CCNY: variants seen among roughly 807,000 people sequenced by gnomAD.
CCNY encodes cyclin-Y.
In CCNY, 19 loss-of-function variants were observed where a neutral mutation model predicts 42.8. The ratio of observed to expected loss-of-function variants is 0.44; its 90% CI spans 0.31 to 0.65. The LOEUF is 0.65. Among genes scored for constraint, CCNY ranks in the 30% least tolerant of loss-of-function variants. CCNY has a pLI of 0.07. For missense variants in CCNY, 370 were observed against 437.3 expected, an observed-to-expected ratio of 0.85 and a Z score of 1.37; for synonymous variants, 165 against 162.7, an observed-to-expected ratio of 1.01 and a Z score of -0.11.
chr10:35,433,364 A>G (rs1396962618), intron 1 of CCNY, among the ~76,000 whole-genome samples: 1 of 152,066 alleles, frequency 6.6e-6, no homozygotes, highest in Non-Finnish European at 1.5e-5. Flanking sequence ...ATTTTTATTT[A>G]TCTAATAAAA....
At chr10:35,392,895 A>G (rs1186101931) in intron 1 of CCNY, among the ~76,000 whole-genome samples, 1 of 152,104 alleles carries the variant, frequency 6.6e-6, no homozygotes, top group Non-Finnish European at 1.5e-5. Flanking sequence ...CTTTTTGACT[A>G]GGCCTTTTTC....
rs115805276 is a variant in CCNY, at chr10:35,382,615, G to A, written c.154+45408G>A. ...AGACATGACTCCTGCTAACTGTCCT[G>A]TGGTACACAGGACAGCCCCTCTACC... On this transcript the variant is annotated intron_variant, in intron 1 of 9. Transcript: ENST00000374704. Among the ~76,000 whole-genome samples, 493 of 152,254 alleles carry A rather than the reference G, an allele frequency of 3.2e-3. 4 individuals are homozygous for A. Among genetic ancestry groups the A allele is most frequent in the African/African-American group, 0.011 (469 of 41,544 alleles).
At chr10:35,526,669 G>GTTT (rs34425324) in intron 5 of CCNY, among the ~76,000 whole-genome samples, 1 of 142,654 alleles carries the variant, frequency 7.0e-6, no homozygotes, top group Non-Finnish European at 1.5e-5. Context: ...TCCTTTCCAA[G>GTTT]TTTTTTTTTT....
At position 35,530,281 on chromosome 10, in the gene CCNY, G is replaced by A. The variant is rs1244827178; in HGVS notation, c.579+38G>A. The A allele has an allele frequency of 1.2e-6, 2 of 1,612,928 alleles. No individual in the cohort carries two copies. Among genetic ancestry groups the A allele is most frequent in the East Asian group, 2.2e-5 (1 of 44,844 alleles). On this transcript the variant is annotated intron_variant, in intron 7 of 9. Transcript: ENST00000374704. This position sits in a 1 kb window ranked among gnomAD's most constrained non-coding sequence, Gnocchi z 4.3. Reference sequence around the variant, plus strand: ...AGGATGGCCACACCCATCCCCAGCCGAGGTGGTCCAGGGCCCGTTCCTGTT... The same window carrying A: ...AGGATGGCCACACCCATCCCCAGCCAAGGTGGTCCAGGGCCCGTTCCTGTT...
rs1398597735 is a variant in CCNY at position 35,342,659 on chromosome 10, A to C, written c.154+5452A>C. Among the ~76,000 whole-genome samples the C allele has an allele frequency of 3.3e-5, 5 of 152,096 alleles. No homozygotes were observed. In the South Asian group the frequency reaches 1.0e-3, roughly 32 times the overall value. ...TGATGGTAGTAGAATTTACTTTGTTAATTTTCGGCCAACAACCGTGCTAAT... is the reference window on the plus strand; with the variant it reads ...TGATGGTAGTAGAATTTACTTTGTTCATTTTCGGCCAACAACCGTGCTAAT... On this transcript the variant is annotated intron_variant, in intron 1 of 9. Coordinates refer to ENST00000374704, the MANE Select transcript of CCNY (RefSeq NM_145012.6).
chr10:35,448,188 C>T (rs1431877616), intron 1 of CCNY, among the ~76,000 whole-genome samples: 3 of 152,164 alleles, frequency 2.0e-5, no homozygotes, highest in African/African-American at 7.2e-5. Context: ...GTGATTGAAT[C>T]GTTCTTTAAC....
chr10:35,327,356 T>C (rs927020783), intron 3 of CCNY, among the ~76,000 whole-genome samples: 6 of 152,196 alleles, frequency 3.9e-5, no homozygotes. Flanking sequence ...TATGACTTCA[T>C]AGAATTCCAT....
intron 1 of CCNY, among the ~76,000 whole-genome samples, chr10:35,409,928 A>G (rs1271915097): frequency 6.6e-6 from 1 of 152,078 alleles, no homozygotes; most frequent in African/African-American, 2.4e-5. Context: ...TTTTTTGTAG[A>G]GACAGGGTCT....
chr10:35,542,600 T>G (rs1008113669), intron 7 of CCNY, among the ~76,000 whole-genome samples: 2 of 152,132 alleles, frequency 1.3e-5, no homozygotes, highest in Non-Finnish European at 2.9e-5. Flanking sequence ...CCAAGTGGGG[T>G]TGGGTCTCAG....
rs1753037122 is a variant in CCNY, at chr10:35,544,086, GTTTAA to G, written c.580-8928_580-8924del. 3.3e-5 allele frequency among the ~76,000 whole-genome samples: 5 copies of G among 152,298 alleles called. No homozygotes were observed. The South Asian group carries it at 1.0e-3, about 32-fold the overall frequency. On this transcript the variant is annotated intron_variant, in intron 7 of 9. Coordinates refer to ENST00000374704, the MANE Select transcript of CCNY (RefSeq NM_145012.6). ...AGTTTATAAAGTTATAGTAAGCTAA[GTTTAA>G]TTTATTATTACAGAAAATCTTTTTC... is the stretch of plus-strand genomic sequence containing the variant.
chr10:35,518,696 G>T (rs1171311727), intron 4 of CCNY, among the ~76,000 whole-genome samples: 4 of 140,834 alleles, frequency 2.8e-5, no homozygotes, highest in South Asian at 4.5e-4. Context: ...TATACTGTGG[G>T]TATCTGGATT....
rs1259269874 is a variant in CCNY at position 35,572,468 on chromosome 10, C to CA, written c.*3299dup. The CA allele has an allele frequency of 1.3e-5, 2 of 152,032 alleles. No individual in the cohort carries two copies. The highest frequency in any genetic ancestry group is 3.9e-4 in the East Asian group (2 of 5,150). The allele number at this position is 152,032 out of a possible 1,614,324, so 9.4% of individuals were successfully genotyped here. On this transcript the variant is annotated 3_prime_UTR_variant, in exon 10 of 10. Coordinates refer to ENST00000374704, the MANE Select transcript of CCNY (RefSeq NM_145012.6). The stretch of plus-strand genomic sequence containing the variant: ...CTGATTTTTGTAGTTTTAGTAGAGA[C>CA]AGAGTTTCACCACGTTGGCCAGGCT...
intron 3 of CCNY, among the ~76,000 whole-genome samples, chr10:35,300,114 G>A (rs558780984): frequency 1.3e-5 from 2 of 152,168 alleles, no homozygotes; most frequent in Admixed American, 6.5e-5. Context: ...CCTAGTAGAT[G>A]CTCTTTGCTT....
intron 1 of CCNY, among the ~76,000 whole-genome samples, chr10:35,450,459 T>C (rs1371484122): frequency 2.0e-5 from 3 of 152,018 alleles, no homozygotes; most frequent in African/African-American, 7.2e-5. Context: ...AGAGGCTCTT[T>C]GGAGTTTTCT....
chr10:35,415,502 GA>G, intron 1 of CCNY, among the ~76,000 whole-genome samples: 2 of 152,094 alleles, frequency 1.3e-5, no homozygotes, highest in Middle Eastern at 3.4e-3. Flanking sequence ...TGGACTCTCA[GA>G]GGAGATGGAG....
chr10:35,452,524 T>C (rs1358494419), intron 1 of CCNY, among the ~76,000 whole-genome samples: 1 of 152,196 alleles, frequency 6.6e-6, no homozygotes, highest in African/African-American at 2.4e-5. Flanking sequence ...TAACCTTTAC[T>C]CGTGTAATTT....
chr10:35,493,052 C>T (rs995843121), intron 2 of CCNY, among the ~76,000 whole-genome samples: 4 of 152,062 alleles, frequency 2.6e-5, no homozygotes, highest in South Asian at 2.1e-4. Context: ...AAGTCAGAGG[C>T]GCTCTTTGGG....
intron 1 of CCNY, among the ~76,000 whole-genome samples, chr10:35,458,257 G>A (rs1359786163): frequency 1.3e-5 from 2 of 152,306 alleles, no homozygotes; most frequent in South Asian, 2.1e-4. Flanking sequence ...TAGCTGTAAC[G>A]TGTTGATGTG....
chr10:35,336,284 G>C (rs1300301205), upstream of CCNY: 9 of 152,058 alleles, frequency 5.9e-5, no homozygotes, highest in East Asian at 1.4e-3. Context: ...GAGGCCGGGT[G>C]GGGAAGGGCC....
Sources: allele counts gnomAD v4.1 joint callset (sites outside exome capture counted in the v4.1 genomes callset), GRCh38; gene constraint gnomAD v4.1.1; non-coding constraint Gnocchi (gnomAD v3.1); transcripts MANE v1.5; gene names NCBI Gene and HGNC (gene_info 2026-07-23, HGNC 2026-07-21).